The following SLC16A10 variants were observed in gnomAD, a reference collection of about 807,000 sequenced individuals.
The protein encoded by SLC16A10 is solute carrier family 16 member 10.
In SLC16A10, 27 loss-of-function variants were observed where a neutral mutation model predicts 40.0. That is an observed-to-expected ratio of 0.67 (90% CI 0.50 to 0.93). The LOEUF (loss-of-function observed/expected upper bound fraction) is 0.93. Among genes scored for constraint, SLC16A10 ranks in the 40% least tolerant of loss-of-function variants. The pLI, the probability that SLC16A10 is intolerant of heterozygous loss-of-function variation, is 0.00. For synonymous variants in SLC16A10, 213 were observed against 249.8 expected, an observed-to-expected ratio of 0.85 and a Z score of 1.39; for missense variants, 529 against 658.2, an observed-to-expected ratio of 0.80 and a Z score of 2.15.
intron 1 of SLC16A10, among the ~76,000 whole-genome samples, chr6:111,107,738 A>G (rs1346291232): frequency 6.6e-6 from 1 of 152,190 alleles, no homozygotes; most frequent in Non-Finnish European, 1.5e-5. Context: ...TGATCTAGTT[A>G]AAGCAAAAGC....
Position 111,087,901 on chromosome 6 carries a change from TGGCGG to T in SLC16A10, c.153_157del (p.Pro53AspfsTer6). ...GCTGTCGAGAAGGTGGAGGTGGAGC[TGGCGG>T]GGCCGGCGACCGCGGAGCCCCATGA... On this transcript the variant is annotated frameshift_variant, in exon 1 of 6. Coordinates refer to ENST00000368851, the MANE Select transcript of SLC16A10 (RefSeq NM_018593.5). LOFTEE classifies it high-confidence loss of function. 1 of 1,576,418 alleles carries T rather than the reference TGGCGG, an allele frequency of 6.3e-7. No individual in the cohort carries two copies. Among genetic ancestry groups the T allele is most frequent in the Non-Finnish European group, 8.6e-7 (1 of 1,163,844 alleles).
chr6:111,168,182 G>C (rs1408978384), intron 1 of SLC16A10, among the ~76,000 whole-genome samples: 5 of 152,102 alleles, frequency 3.3e-5, no homozygotes, highest in Non-Finnish European at 7.4e-5. Context: ...GTTTCGCCCT[G>C]TTGGCCAGGC....
chr6:111,163,246 G>A (rs1269710061), intron 1 of SLC16A10, among the ~76,000 whole-genome samples: 5 of 145,470 alleles, frequency 3.4e-5, no homozygotes, highest in East Asian at 4.1e-4. Context: ...TCCGCCTCCC[G>A]GGTTCACACC....
chr6:111,197,643 G>T (rs915246766), intron 3 of SLC16A10, among the ~76,000 whole-genome samples: 1 of 152,106 alleles, frequency 6.6e-6, no homozygotes, highest in Non-Finnish European at 1.5e-5. Flanking sequence ...AAGAAAAGAG[G>T]TTTAATTGGC....
rs567286265 is a variant in SLC16A10, at chr6:111,101,471, A to G, written c.343+13376A>G. Among the ~76,000 whole-genome samples the G allele has an allele frequency of 5.9e-5, 9 of 152,252 alleles. No individual in the cohort carries two copies. The East Asian group carries it at 1.7e-3, about 29-fold the overall frequency. On this transcript the variant is annotated intron_variant, in intron 1 of 5. Coordinates refer to ENST00000368851, the MANE Select transcript of SLC16A10 (RefSeq NM_018593.5). ...GTACCCTATAATCAAATACATTAACATTTCTGCAGCAAAATGTATGGATAA... is the reference window on the plus strand; with the variant it reads ...GTACCCTATAATCAAATACATTAACGTTTCTGCAGCAAAATGTATGGATAA...
chr6:111,172,851 G>T lies in SLC16A10; in HGVS notation c.488+12G>T. On this transcript the variant is annotated intron_variant, in intron 2 of 5. Coordinates refer to ENST00000368851, the MANE Select transcript of SLC16A10 (RefSeq NM_018593.5). Reference sequence around the variant, plus strand: ...AGTTCTTTTGTAAGGTAAGGACTTGGTTTTTTCATGTTGCTTTTTAAAAAC... The same window carrying T: ...AGTTCTTTTGTAAGGTAAGGACTTGTTTTTTTCATGTTGCTTTTTAAAAAC... The T allele has an allele frequency of 2.5e-6, 4 of 1,608,390 alleles. No individual in the cohort carries two copies. The South Asian group carries it at 3.3e-5, about 13-fold the overall frequency.
chr6:111,090,774 T>G (rs1487327329), intron 1 of SLC16A10, among the ~76,000 whole-genome samples: 3 of 152,258 alleles, frequency 2.0e-5, no homozygotes, highest in African/African-American at 4.8e-5. Context: ...ATCAAGCATA[T>G]GCAAGCTTCA....
chr6:111,212,307 T>G (rs1266089559), intron 4 of SLC16A10, among the ~76,000 whole-genome samples: 2 of 152,220 alleles, frequency 1.3e-5, no homozygotes, highest in Non-Finnish European at 2.9e-5. Flanking sequence ...TTTAATATCT[T>G]ATTAAATACT....
chr6:111,151,453 A>G (rs2114515739), intron 1 of SLC16A10, among the ~76,000 whole-genome samples: 1 of 152,246 alleles, frequency 6.6e-6, no homozygotes, highest in Non-Finnish European at 1.5e-5. Flanking sequence ...TTCATCACTC[A>G]CATCTCTCAA....
intron 1 of SLC16A10, among the ~76,000 whole-genome samples, chr6:111,101,282 T>TC (rs1771184057): frequency 6.6e-6 from 1 of 152,042 alleles, no homozygotes; most frequent in South Asian, 2.1e-4. Flanking sequence ...TCTGTCCACC[T>TC]CAGCCTCTGA....
At chr6:111,168,607 A>G (rs760410632) in intron 1 of SLC16A10, among the ~76,000 whole-genome samples, 3 of 152,180 alleles carry the variant, frequency 2.0e-5, no homozygotes, top group Non-Finnish European at 4.4e-5. Flanking sequence ...AAAACTAGAA[A>G]TGTTGTGAGT....
Position 111,229,462 on chromosome 6 carries a change from T to G in SLC16A10, c.*7227T>G, listed in dbSNP as rs950964357. 2.0e-5 allele frequency: 3 copies of G among 152,220 alleles called. No individual in the cohort carries two copies. Among genetic ancestry groups the G allele is most frequent in the Non-Finnish European group, 4.4e-5 (3 of 68,032 alleles). The allele number at this position is 152,220 out of a possible 1,614,324, so 9.4% of individuals were successfully genotyped here. ...ATGTTTCTAGCACAAAGTGAGGGAT[T>G]TAAATATATTCTGTAACTTTGAGGC... On this transcript the variant is annotated 3_prime_UTR_variant, in exon 6 of 6. Transcript: ENST00000368851.
chr6:111,182,620 C>G (rs1466500552), intron 3 of SLC16A10, among the ~76,000 whole-genome samples: 2 of 152,124 alleles, frequency 1.3e-5, no homozygotes, highest in African/African-American at 4.8e-5. Flanking sequence ...TCCACCAGAG[C>G]TGTATATCCA....
At chr6:111,122,716 G>C (rs995074374) in intron 1 of SLC16A10, among the ~76,000 whole-genome samples, 2 of 152,098 alleles carry the variant, frequency 1.3e-5, no homozygotes, top group Non-Finnish European at 2.9e-5. Context: ...GTGTCAAACC[G>C]CATTATTGAG....
chr6:111,172,988 C>G (rs1488931344), intron 2 of SLC16A10, 149 bp downstream of exon 2: 3 of 993,018 alleles, frequency 3.0e-6, no homozygotes, highest in South Asian at 3.7e-5. Flanking sequence ...AAACTGTTAT[C>G]CATAGCAGCA....
Position 111,190,029 on chromosome 6 carries a change from C to CA in SLC16A10, c.942+12366dup, listed in dbSNP as rs1186101938. Among the ~76,000 whole-genome samples the CA allele has an allele frequency of 9.2e-5, 14 of 152,308 alleles. No individual in the cohort carries two copies. In the East Asian group the frequency reaches 1.4e-3, roughly 15 times the overall value. On this transcript the variant is annotated intron_variant, in intron 3 of 5. Coordinates refer to ENST00000368851, the MANE Select transcript of SLC16A10 (RefSeq NM_018593.5). ...GTCCAAAGTCTCATCTGAGACAAGG[C>CA]AAGTCCCCTCTGCCTATGAATCTGT...
intron 2 of SLC16A10, among the ~76,000 whole-genome samples, chr6:111,174,802 C>T (rs1384784395): frequency 6.6e-6 from 1 of 152,040 alleles, no homozygotes; most frequent in Non-Finnish European, 1.5e-5. Flanking sequence ...TAATCTACTA[C>T]CTAGTTTGTT....
At chr6:111,109,057 T>A (rs1410777164) in intron 1 of SLC16A10, among the ~76,000 whole-genome samples, 2 of 152,216 alleles carry the variant, frequency 1.3e-5, no homozygotes, top group Admixed American at 6.5e-5. Context: ...ATTAATTTTT[T>A]AAAATCAGCT....
chr6:111,221,271 G>A (rs924610528), intron 5 of SLC16A10, among the ~76,000 whole-genome samples: 2 of 152,114 alleles, frequency 1.3e-5, no homozygotes, highest in Non-Finnish European at 2.9e-5. Flanking sequence ...AATATAGAAT[G>A]CCATTAATAA....
Sources: allele counts gnomAD v4.1 joint callset (sites outside exome capture counted in the v4.1 genomes callset), GRCh38; gene constraint gnomAD v4.1.1; transcripts MANE v1.5; gene names NCBI Gene and HGNC (gene_info 2026-07-23, HGNC 2026-07-21).